CCDC66: variants seen among roughly 807,000 people sequenced by gnomAD.
The protein encoded by CCDC66 is coiled-coil domain-containing protein 66.
CCDC66 carries 133 observed loss-of-function variants against 128.3 expected under a neutral mutation model. The ratio of observed to expected loss-of-function variants is 1.04; its 90% CI spans 0.90 to 1.20. CCDC66 has a LOEUF of 1.20. CCDC66 is among the 50% of genes most tolerant of loss of function. CCDC66 has a pLI of 0.00. For synonymous variants in CCDC66, 387 were observed against 357.0 expected (o/e 1.08, Z -0.95); for missense variants, 1,126 against 1,075.5 (o/e 1.05, Z -0.66).
chr3:56,571,126 ATGG>A, intron 6 of CCDC66, 52 bp from the exon 7 acceptor site: 2 of 1,335,114 alleles, frequency 1.5e-6, no homozygotes, highest in Non-Finnish European at 2.0e-6. Context: ...ATTTGTTTAC[ATGG>A]TTCTGTTTTT....
rs972812793 is a variant in CCDC66, at chr3:56,617,213, C to T, written c.1945C>T (p.Leu649Phe). ...NCSSPEISAE[L>F]IGQFSTKKNK... ...TTCATCTCCTGAGATTTCGGCAGAA[C>T]TTATTGGACAGTTTAGCACCAAGAA... The change falls in exon 14 of 18, where the codon CTT (leucine) becomes TTT (phenylalanine). Residue 649 changes from leucine to phenylalanine, a missense_variant. By Grantham distance (22) the Leu-to-Phe change is conservative. Coordinates refer to ENST00000394672, the MANE Select transcript of CCDC66 (RefSeq NM_001141947.3). The T allele has an allele frequency of 1.9e-6, 3 of 1,613,628 alleles. No homozygotes were observed. Among genetic ancestry groups the T allele is most frequent in the Admixed American group, 1.7e-5 (1 of 59,950 alleles).
chr3:56,621,540 C>T lies in CCDC66; in HGVS notation c.2769C>T (p.Leu923=). 3.1e-6 allele frequency: 5 copies of T among 1,590,456 alleles called. No homozygotes were observed. Among genetic ancestry groups the T allele is most frequent in the Non-Finnish European group, 3.4e-6 (4 of 1,168,674 alleles). ...KGLSELRQGL[L]QKQKELESSL... Reference sequence around the variant, plus strand: ...TATCAATGTGATTTCAGGGCCTTCTCCAGAAGCAAAAGGAGTTGGAAAGTA... The same window carrying T: ...TATCAATGTGATTTCAGGGCCTTCTTCAGAAGCAAAAGGAGTTGGAAAGTA... Residue 923 remains leucine (L), a synonymous_variant, in exon 18 of 18, where the codon CTC becomes CTT. Transcript: ENST00000394672.
intron 10 of CCDC66, 24 bp downstream of exon 10, chr3:56,594,052 C>T (rs760771964): frequency 8.2e-6 from 13 of 1,584,026 alleles, no homozygotes; most frequent in South Asian, 2.2e-5. Flanking sequence ...AAACATTGTT[C>T]TTTACCTTAA....
intron 17 of CCDC66, 124 bp downstream of exon 17, chr3:56,620,025 G>T: frequency 9.9e-7 from 1 of 1,012,258 alleles, no homozygotes; most frequent in Non-Finnish European, 1.4e-6. Context: ...AAATATTTCA[G>T]TTCCTGTATG....
intron 14 of CCDC66, 31 bp from the exon 15 acceptor site, chr3:56,618,141 T>C: frequency 6.4e-7 from 1 of 1,555,324 alleles, no homozygotes; most frequent in Non-Finnish European, 8.9e-7. Context: ...TGCTATATAT[T>C]CCTTTCTGCA....
At chr3:56,604,924 G>T (rs1209677363) in intron 10 of CCDC66, among the ~76,000 whole-genome samples, 2 of 151,928 alleles carry the variant, frequency 1.3e-5, no homozygotes, top group Non-Finnish European at 2.9e-5. Flanking sequence ...CGTAGATTTG[G>T]TCTTTTCACA....
At chr3:56,614,250 G>C (rs1304218162) in intron 11 of CCDC66, among the ~76,000 whole-genome samples, 1 of 152,078 alleles carries the variant, frequency 6.6e-6, no homozygotes, top group Non-Finnish European at 1.5e-5. Context: ...TATTGGTTTG[G>C]CTTTTTCTGT....
chr3:56,612,401 A>T (rs1055422034), intron 10 of CCDC66, among the ~76,000 whole-genome samples: 13 of 152,218 alleles, frequency 8.5e-5, no homozygotes, highest in African/African-American at 2.7e-4. Context: ...GTTAGGTTGC[A>T]GGATGCTAGC....
At chr3:56,610,343 C>G (rs768444679) in intron 10 of CCDC66, among the ~76,000 whole-genome samples, 22 of 152,026 alleles carry the variant, frequency 1.4e-4, no homozygotes, top group Non-Finnish European at 2.9e-4. Flanking sequence ...TTTCTTTCTT[C>G]TCCTTGTTCA....
intron 10 of CCDC66, among the ~76,000 whole-genome samples, chr3:56,609,261 A>C (rs554513549): frequency 3.9e-5 from 6 of 152,128 alleles, no homozygotes; most frequent in African/African-American, 1.2e-4. Flanking sequence ...AGTAATTACA[A>C]GTTTGGGAGC....
chr3:56,597,478 C>T (rs1362375399), intron 10 of CCDC66, among the ~76,000 whole-genome samples: 1 of 151,894 alleles, frequency 6.6e-6, no homozygotes, highest in Non-Finnish European at 1.5e-5. Context: ...TTGTAGATTG[C>T]CTTAGGCATA....
At position 56,558,694 on chromosome 3, in the gene CCDC66, C is replaced by T. The variant is rs918212619; in HGVS notation, c.12-152C>T. 8.9e-6 allele frequency: 6 copies of T among 672,632 alleles called. No individual in the cohort carries two copies. In the East Asian group the frequency reaches 1.4e-4, roughly 16 times the overall value. 41.7% of individuals were successfully genotyped at this position (672,632 alleles called of 1,614,324 possible). ...TGTGGGTTTTATCTTGGATTGCAAACGTTTTTAATTAAAACACTGGTTCGA... is the reference window on the plus strand; with the variant it reads ...TGTGGGTTTTATCTTGGATTGCAAATGTTTTTAATTAAAACACTGGTTCGA... On this transcript the variant is annotated intron_variant, in intron 1 of 17. Transcript: ENST00000394672.
intron 10 of CCDC66, among the ~76,000 whole-genome samples, chr3:56,597,523 A>G (rs747522968): frequency 6.6e-6 from 1 of 151,908 alleles, no homozygotes; most frequent in South Asian, 2.1e-4. Context: ...ATGTCTTGCC[A>G]TTTGTTTGTA....
At chr3:56,586,910 G>C (rs979113980) in intron 7 of CCDC66, among the ~76,000 whole-genome samples, 4 of 151,732 alleles carry the variant, frequency 2.6e-5, no homozygotes, top group African/African-American at 7.2e-5. Context: ...TAAAAAATTA[G>C]CCGAGCATGG....
intron 17 of CCDC66, 146 bp downstream of exon 17, chr3:56,620,047 C>A: frequency 1.2e-6 from 1 of 806,440 alleles, no homozygotes; most frequent in Non-Finnish European, 1.9e-6. Context: ...TTGTTAGACA[C>A]AAATAAAATG....
At chr3:56,568,972 G>C (rs2066260310) in intron 6 of CCDC66, among the ~76,000 whole-genome samples, 1 of 152,216 alleles carries the variant, frequency 6.6e-6, no homozygotes, top group Non-Finnish European at 1.5e-5. Flanking sequence ...CATGAGATGG[G>C]CTTCACCCTA....
intron 7 of CCDC66, among the ~76,000 whole-genome samples, chr3:56,583,097 G>A (rs1162030269): frequency 6.6e-6 from 1 of 151,494 alleles, no homozygotes; most frequent in East Asian, 2.0e-4. Flanking sequence ...AAACTCCTGG[G>A]TTCAAGCAGT....
chr3:56,575,051 T>A lies in CCDC66; in HGVS notation c.936+3749T>A, dbSNP rs903528823. 1.3e-5 allele frequency among the ~76,000 whole-genome samples: 2 copies of A among 151,920 alleles called. 1 individual carries two copies. Among genetic ancestry groups the A allele is most frequent in the Admixed American group, 1.3e-4 (2 of 15,142 alleles). On this transcript the variant is annotated intron_variant, in intron 7 of 17. Coordinates refer to ENST00000394672, the MANE Select transcript of CCDC66 (RefSeq NM_001141947.3). ...GTTCCTGCTTCAATTCTTTTGGGTG[T>A]GTACTCAGAATTGGAATTGCAGGAT...
At position 56,558,851 on chromosome 3, in the gene CCDC66, G is replaced by T; in HGVS notation, c.17G>T (p.Gly6Val). Residue 6 changes from glycine (G) to valine (V), a missense_variant, in exon 2 of 18, where the codon GGT becomes GTT. Gly to Val is a moderately radical substitution (Grantham distance 109). Coordinates refer to ENST00000394672, the MANE Select transcript of CCDC66 (RefSeq NM_001141947.3). MNLGD[G>V]LKLETELLDG... is the part of the protein sequence containing the mutation. ...ACTTTCTTTTTTTATTACAGAGATG[G>T]TTTAAAGCTTGAAACTGAATTACTG... is the stretch of plus-strand genomic sequence containing the variant. The T allele has an allele frequency of 6.5e-7, 1 of 1,547,938 alleles. No homozygotes were observed. Among genetic ancestry groups the T allele is most frequent in the East Asian group, 2.5e-5 (1 of 40,736 alleles).
Sources: allele counts gnomAD v4.1 joint callset (sites outside exome capture counted in the v4.1 genomes callset), GRCh38; gene constraint gnomAD v4.1.1; transcripts MANE v1.5; gene names NCBI Gene and HGNC (gene_info 2026-07-23, HGNC 2026-07-21).